The following STOX2 variants were observed in gnomAD, a reference collection of about 807,000 sequenced individuals.
STOX2 encodes storkhead box 2.
Under a neutral mutation model 60.9 loss-of-function variants are expected in STOX2, and 28 were observed. The observed-to-expected ratio is 0.46, with a 90% CI of 0.34 to 0.63. The LOEUF is 0.63. STOX2 is among the 30% of genes least tolerant of loss of function. The probability of loss-of-function intolerance (pLI) is 0.01; values close to 1 mark genes in which losing one functional copy is unlikely to be tolerated. For synonymous variants in STOX2, 472 were observed against 463.9 expected (o/e 1.02, Z -0.22); for missense variants, 1,024 against 1,187.7 (o/e 0.86, Z 2.03).
chr4:183,816,747 A>C (rs1739163314), intron 1 of STOX2, among the ~76,000 whole-genome samples: 1 of 152,264 alleles, frequency 6.6e-6, no homozygotes, highest in South Asian at 2.1e-4. Context: ...GAACTGGAAC[A>C]CATTATCGAA....
At chr4:183,901,660 T>C (rs1256041480), upstream of STOX2, among the ~76,000 whole-genome samples, 1 of 152,048 alleles carries the variant, frequency 6.6e-6, no homozygotes, top group Non-Finnish European at 1.5e-5. Context: ...CATTGTAGTT[T>C]TGATTTGCAT....
At position 183,906,871 on chromosome 4, in the gene STOX2, G is replaced by A. The variant is rs1184729848; in HGVS notation, c.81G>A (p.Arg27=). Residue 27 remains arginine, a synonymous_variant, in exon 1 of 4, where the codon AGG becomes AGA. Coordinates refer to ENST00000308497, the MANE Select transcript of STOX2 (RefSeq NM_020225.3). ...DFSDRASDRM[R]SRSEKDYRLH... ...CGGACCGGGCCTCGGACCGCATGAG[G>A]TCCCGCAGCGAGAAGGACTACCGCC... The A allele has an allele frequency of 6.4e-7, 1 of 1,551,610 alleles. No individual in the cohort carries two copies. Among genetic ancestry groups the A allele is most frequent in the Admixed American group, 2.0e-5 (1 of 51,180 alleles).
At chr4:184,007,561 G>A (rs555936101) in intron 2 of STOX2, among the ~76,000 whole-genome samples, 1 of 152,302 alleles carries the variant, frequency 6.6e-6, no homozygotes, top group South Asian at 2.1e-4. Context: ...AGTGAATGGA[G>A]GCTCAGAGAG....
chr4:183,919,646 C>A (rs1742040747), intron 1 of STOX2, among the ~76,000 whole-genome samples: 1 of 152,178 alleles, frequency 6.6e-6, no homozygotes, highest in Non-Finnish European at 1.5e-5. Flanking sequence ...CACTTTGTCA[C>A]CCAGGCTGGA....
intron 1 of STOX2, among the ~76,000 whole-genome samples, chr4:183,922,674 A>G (rs192708971): frequency 6.6e-6 from 1 of 152,296 alleles, no homozygotes; most frequent in East Asian, 1.9e-4. Flanking sequence ...TTTTAAGGGT[A>G]CAGTTCAGTG....
At chr4:183,804,570 A>C (rs922645695) in intron 1 of STOX2, among the ~76,000 whole-genome samples, 1 of 152,188 alleles carries the variant, frequency 6.6e-6, no homozygotes, top group Admixed American at 6.5e-5. Context: ...AGAAATGTGC[A>C]CTGGGTTGGG....
chr4:183,904,153 C>A (rs1287072574), upstream of STOX2, among the ~76,000 whole-genome samples: 1 of 152,214 alleles, frequency 6.6e-6, no homozygotes, highest in Non-Finnish European at 1.5e-5. Context: ...AGCCACTGAT[C>A]TGACAGGAGG....
upstream of STOX2, among the ~76,000 whole-genome samples, chr4:183,905,195 G>GGGTCCCAGGCCCGCGTCCC (rs1741553058): frequency 6.6e-6 from 1 of 152,246 alleles, no homozygotes; most frequent in Admixed American, 6.5e-5. Context: ...CGTGACCTCC[G>GGGTCCCAGGCCCGCGTCCC]GGTCCCAGGC....
intron 1 of STOX2, among the ~76,000 whole-genome samples, chr4:183,975,541 G>T (rs1458405188): frequency 6.6e-6 from 1 of 152,010 alleles, no homozygotes; most frequent in Non-Finnish European, 1.5e-5. Context: ...ACCATCAAGA[G>T]CTCTGTGCAC....
intron 1 of STOX2, among the ~76,000 whole-genome samples, chr4:183,976,873 T>C (rs1369355243): frequency 6.6e-6 from 1 of 152,038 alleles, no homozygotes; most frequent in African/African-American, 2.4e-5. Context: ...GAAAAAGAAA[T>C]GAAAGGCTTA....
chr4:183,853,328 A>C (rs1353816709), intron 1 of STOX2: 2 of 152,148 alleles, frequency 1.3e-5, no homozygotes, highest in Non-Finnish European at 2.9e-5. Flanking sequence ...GTGGGTCCTT[A>C]ATGACTTCAA....
intron 1 of STOX2, among the ~76,000 whole-genome samples, chr4:183,891,969 A>C (rs1273628065): frequency 6.6e-6 from 1 of 152,220 alleles, no homozygotes; most frequent in African/African-American, 2.4e-5. Flanking sequence ...CGGAGGAAGA[A>C]CTGAGAAGAG....
chr4:184,012,434 A>G (rs1184682110), intron 3 of STOX2, among the ~76,000 whole-genome samples: 3 of 152,214 alleles, frequency 2.0e-5, no homozygotes, highest in East Asian at 1.9e-4. Flanking sequence ...TGTACTTCAT[A>G]TATTTAATTA....
chr4:183,910,129 G>A (rs997572664), intron 1 of STOX2, among the ~76,000 whole-genome samples: 3 of 152,146 alleles, frequency 2.0e-5, no homozygotes, highest in Non-Finnish European at 2.9e-5. Flanking sequence ...TCCCAGTGGT[G>A]GTTTCTGGGC....
At chr4:183,931,298 C>T (rs2111115197) in intron 1 of STOX2, among the ~76,000 whole-genome samples, 1 of 152,196 alleles carries the variant, frequency 6.6e-6, no homozygotes, top group Admixed American at 6.5e-5. Flanking sequence ...GTGGCATGCG[C>T]CTGTAGTCTC....
intron 1 of STOX2, among the ~76,000 whole-genome samples, chr4:183,929,926 C>T (rs945498602): frequency 3.3e-5 from 5 of 152,130 alleles, no homozygotes; most frequent in East Asian, 3.9e-4. Context: ...TGCAGTGGCA[C>T]GATCTCGGCT....
intron 1 of STOX2, among the ~76,000 whole-genome samples, chr4:183,987,240 C>G (rs1345585805): frequency 6.6e-6 from 1 of 152,138 alleles, no homozygotes; most frequent in Admixed American, 6.5e-5. Context: ...TGTGTTCTCT[C>G]TCTCAACTGC....
In STOX2 at chr4:183,945,735, G is replaced by A. The variant is rs989438863; in HGVS notation, c.166+38779G>A. On this transcript the variant is annotated intron_variant, in intron 1 of 3. Coordinates refer to ENST00000308497, the MANE Select transcript of STOX2 (RefSeq NM_020225.3). Reference sequence around the variant, plus strand: ...TGTTTCCCATCGTTGAGCACACCACGAAAGAAGACTGATTCAGGTTCTAAG... The same window carrying A: ...TGTTTCCCATCGTTGAGCACACCACAAAAGAAGACTGATTCAGGTTCTAAG... 3.3e-5 allele frequency among the ~76,000 whole-genome samples: 5 copies of A among 152,194 alleles called. No individual in the cohort carries two copies. The South Asian group carries it at 8.3e-4, about 25-fold the overall frequency.
At chr4:183,926,205 A>T (rs1177855303) in intron 1 of STOX2, among the ~76,000 whole-genome samples, 1 of 152,226 alleles carries the variant, frequency 6.6e-6, no homozygotes, top group Non-Finnish European at 1.5e-5. Flanking sequence ...AACAGTCAAG[A>T]TACATTAAAA....
Sources: gnomAD v4.1 joint callset for allele counts (sites outside exome capture counted in the v4.1 genomes callset) on GRCh38, gnomAD v4.1.1 for gene constraint, MANE v1.5 for transcripts, NCBI Gene and HGNC (gene_info 2026-07-23, HGNC 2026-07-21) for gene names.